The following ANKRD46 variants were observed in gnomAD, a reference collection of about 807,000 sequenced individuals.
The protein encoded by ANKRD46 is ankyrin repeat domain-containing protein 46.
A neutral mutation model predicts 19.8 loss-of-function variants in ANKRD46; 13 were observed. That is an observed-to-expected ratio of 0.66 (90% CI 0.43 to 1.04). ANKRD46 has a LOEUF of 1.04. Among genes scored for constraint, ANKRD46 ranks in the 50% least tolerant of loss-of-function variants. The pLI is 0.00. For missense variants in ANKRD46, 185 were observed against 274.8 expected (o/e 0.67, Z 2.31); for synonymous variants, 91 against 106.9 (o/e 0.85, Z 0.92).
intron 1 of ANKRD46, among the ~76,000 whole-genome samples, chr8:100,539,027 A>G (rs1455292490): frequency 6.6e-6 from 1 of 152,248 alleles, no homozygotes; most frequent in African/African-American, 2.4e-5. Flanking sequence ...TTTGTGATGC[A>G]GATGAAAGCT....
chr8:100,551,221 T>G (rs115097112), intron 1 of ANKRD46: 365 of 460,356 alleles, frequency 7.9e-4, no homozygotes, highest in African/African-American at 6.0e-3. Flanking sequence ...GCCAAAGTTG[T>G]CATGGATGGG....
chr8:100,518,734 C>T (rs1811673979), downstream of ANKRD46, among the ~76,000 whole-genome samples: 1 of 152,082 alleles, frequency 6.6e-6, no homozygotes, highest in Middle Eastern at 3.4e-3. Flanking sequence ...CCCCTGTAAT[C>T]CCAGCTACTC....
chr8:100,551,127 A>G (rs1812379972), intron 1 of ANKRD46: 1 of 472,002 alleles, frequency 2.1e-6, no homozygotes, highest in African/African-American at 2.0e-5. Flanking sequence ...CCCCACAGAC[A>G]TATGCCACAG....
chr8:100,559,720 G>C lies in ANKRD46; in HGVS notation c.-140C>G, dbSNP rs1218887338. The C allele has an allele frequency of 6.5e-6, 1 of 153,084 alleles. No homozygotes were observed. Among genetic ancestry groups the C allele is most frequent in the African/African-American group, 2.4e-5 (1 of 41,470 alleles). The allele number at this position is 153,084 out of a possible 1,614,324, so 9.5% of individuals were successfully genotyped here. A position where few individuals can be genotyped will look rare whatever the true frequency, so the allele number is the denominator to read the frequency against. ...GCCCCGGGCCAAGTACCTGCGACTCGAACGAGCAGCAGCGACAGCGGCAGC... is the reference window on the plus strand; with the variant it reads ...GCCCCGGGCCAAGTACCTGCGACTCCAACGAGCAGCAGCGACAGCGGCAGC... On this transcript the variant is annotated 5_prime_UTR_variant, in exon 1 of 5. Transcript: ENST00000335659. This position sits in a 1 kb window ranked among gnomAD's most constrained non-coding sequence, Gnocchi z 6.0.
downstream of ANKRD46, chr8:100,520,735 A>C: frequency 1.2e-6 from 1 of 830,614 alleles, no homozygotes; most frequent in Non-Finnish European, 1.4e-6. Context: ...TAAAACTATA[A>C]TACACTAAAA....
At position 100,536,850 on chromosome 8, in the gene ANKRD46, G is replaced by A. The variant is rs1269606106; in HGVS notation, c.-130-3539C>T. On this transcript the variant is annotated intron_variant, in intron 1 of 4. Coordinates refer to ENST00000335659, the MANE Select transcript of ANKRD46 (RefSeq NM_001270377.2). This position sits in a 1 kb window ranked among gnomAD's most constrained non-coding sequence, Gnocchi z 4.9. ...AACTTTGGGGGTCAGGTTTTTGAGG[G>A]CTGGTGTAGCCTGACACTTAAAACT... Among the ~76,000 whole-genome samples, 1 of 152,148 alleles carries A rather than the reference G, an allele frequency of 6.6e-6. No individual in the cohort carries two copies. Among genetic ancestry groups the A allele is most frequent in the Admixed American group, 6.6e-5 (1 of 15,260 alleles).
rs1812228448 is a variant in ANKRD46 at position 100,544,228 on chromosome 8, T to C, written c.-130-10917A>G. On this transcript the variant is annotated intron_variant, in intron 1 of 4. Coordinates refer to ENST00000335659, the MANE Select transcript of ANKRD46 (RefSeq NM_001270377.2). This position sits in a 1 kb window ranked among gnomAD's most constrained non-coding sequence, Gnocchi z 4.4. ...TCTCTTCAGTCAGCTTCTGGTTCCT[T>C]CTAAGGCTCAAAGCAGATCACTTCC... Among the ~76,000 whole-genome samples the C allele has an allele frequency of 6.6e-6, 1 of 152,162 alleles. No individual in the cohort carries two copies. The highest frequency in any genetic ancestry group is 1.5e-5 in the Non-Finnish European group (1 of 68,040).
At position 100,525,254 on chromosome 8, in the gene ANKRD46, G is replaced by A. The variant is rs562687807; in HGVS notation, c.471-2483C>T. On this transcript the variant is annotated intron_variant, in intron 4 of 4. Transcript: ENST00000335659. The surrounding 1 kb of genome is among the most constrained non-coding windows in gnomAD (Gnocchi z 4.4). ...TTAAACTTTTTCATCTACATTTATT[G>A]AGACATAATTCACATCCCATAATAT... Among the ~76,000 whole-genome samples, 1 of 152,200 alleles carries A rather than the reference G, an allele frequency of 6.6e-6. No individual in the cohort carries two copies. The highest frequency in any genetic ancestry group is 6.5e-5 in the Admixed American group (1 of 15,290).
At chr8:100,531,198 G>A (rs1482474952) in intron 2 of ANKRD46, among the ~76,000 whole-genome samples, 1 of 152,186 alleles carries the variant, frequency 6.6e-6, no homozygotes, top group African/African-American at 2.4e-5. Context: ...AAACAGAAAG[G>A]CAGAGACCAA....
intron 5 of ANKRD46, among the ~76,000 whole-genome samples, chr8:100,512,622 G>A (rs1167604382): frequency 3.3e-5 from 5 of 152,102 alleles, no homozygotes; most frequent in South Asian, 4.1e-4. Context: ...TGACAGAACC[G>A]TTTCATGCTT....
chr8:100,533,526 C>G (rs1812005007), intron 1 of ANKRD46, among the ~76,000 whole-genome samples: 1 of 152,090 alleles, frequency 6.6e-6, no homozygotes, highest in Non-Finnish European at 1.5e-5. Context: ...CTGTGGCCCA[C>G]AAACAAGAAA....
chr8:100,529,990 C>T lies in ANKRD46; in HGVS notation c.-27-130G>A. 1 of 605,866 alleles carries T rather than the reference C, an allele frequency of 1.7e-6. No individual in the cohort carries two copies. The highest frequency in any genetic ancestry group is 2.8e-6 in the Non-Finnish European group (1 of 356,432). The allele number at this position is 605,866 out of a possible 1,614,324, so 37.5% of individuals were successfully genotyped here. A position where few individuals can be genotyped will look rare whatever the true frequency, so the allele number is the denominator to read the frequency against. ...TAATAAATAAATGACCAAACAGAAA[C>T]AACAACAAAGTTATCAATTGTATTT... On this transcript the variant is annotated intron_variant, in intron 2 of 4. Transcript: ENST00000335659. This position sits in a 1 kb window ranked among gnomAD's most constrained non-coding sequence, Gnocchi z 5.8.
intron 4 of ANKRD46, among the ~76,000 whole-genome samples, chr8:100,523,620 ATG>A (rs1232140570): frequency 1.3e-5 from 2 of 152,032 alleles, no homozygotes; most frequent in Non-Finnish European, 2.9e-5. Flanking sequence ...CCTGTTGTAC[ATG>A]TGGACTCGTC....
At chr8:100,554,129 T>C (rs1441367455) in intron 1 of ANKRD46, among the ~76,000 whole-genome samples, 1 of 152,250 alleles carries the variant, frequency 6.6e-6, no homozygotes, top group Non-Finnish European at 1.5e-5. Flanking sequence ...ACAGGAAAGC[T>C]GTCCATTTTA....
At chr8:100,555,387 GA>G (rs1812472945) in intron 1 of ANKRD46, among the ~76,000 whole-genome samples, 1 of 147,506 alleles carries the variant, frequency 6.8e-6, no homozygotes, top group Non-Finnish European at 1.5e-5. Context: ...ATAAGAAAAT[GA>G]AAAAAATCCA....
At chr8:100,558,551 A>G (rs1157318582) in intron 1 of ANKRD46, among the ~76,000 whole-genome samples, 2 of 152,210 alleles carry the variant, frequency 1.3e-5, no homozygotes, top group South Asian at 4.1e-4. Context: ...TAATGAGCTA[A>G]CAGTTTTCTT....
intron 1 of ANKRD46, among the ~76,000 whole-genome samples, chr8:100,547,781 C>T (rs951010606): frequency 2.0e-5 from 3 of 152,192 alleles, no homozygotes; most frequent in African/African-American, 7.2e-5. Flanking sequence ...ACACAAAGGC[C>T]TGTCAGTTCT....
chr8:100,515,661 A>AGGGGGGGGGGGG (rs368942546), intron 5 of ANKRD46, among the ~76,000 whole-genome samples: 5 of 59,970 alleles, frequency 8.3e-5, no homozygotes, highest in Admixed American at 2.0e-4. Context: ...GGTGCGGGGG[A>AGGGGGGGGGGGG]GGGGGGGGGC....
At position 100,532,882 on chromosome 8, in the gene ANKRD46, G is replaced by A. The variant is rs1811993360; in HGVS notation, c.-28+327C>T. On this transcript the variant is annotated intron_variant, in intron 2 of 4. Transcript: ENST00000335659. This position sits in a 1 kb window ranked among gnomAD's most constrained non-coding sequence, Gnocchi z 4.7. Reference sequence around the variant, plus strand: ...GCTTTTCAAAAGGTAATGTGTTTTGGTTAAATTTTTAAAAATAGATAATTT... The same window carrying A: ...GCTTTTCAAAAGGTAATGTGTTTTGATTAAATTTTTAAAAATAGATAATTT... Among the ~76,000 whole-genome samples, 1 of 152,132 alleles carries A rather than the reference G, an allele frequency of 6.6e-6. No individual in the cohort carries two copies. The highest frequency in any genetic ancestry group is 1.5e-5 in the Non-Finnish European group (1 of 68,028).
Sources: allele counts gnomAD v4.1 joint callset (sites outside exome capture counted in the v4.1 genomes callset), GRCh38; gene constraint gnomAD v4.1.1; non-coding constraint Gnocchi (gnomAD v3.1); transcripts MANE v1.5; gene names NCBI Gene and HGNC (gene_info 2026-07-23, HGNC 2026-07-21).